Variants in SCMH1 observed in about 807,000 individuals in gnomAD.
SCMH1 encodes the protein Scm polycomb group protein homolog 1.
A neutral mutation model predicts 70.8 loss-of-function variants in SCMH1; 37 were observed. The observed-to-expected ratio is 0.52, with a 90% CI of 0.40 to 0.69. The LOEUF (loss-of-function observed/expected upper bound fraction) is 0.69. Among genes scored for constraint, SCMH1 ranks in the 30% least tolerant of loss-of-function variants. SCMH1 has a pLI of 0.00. For synonymous variants in SCMH1, 292 were observed against 307.4 expected (o/e 0.95, Z 0.52); for missense variants, 607 against 827.3 (o/e 0.73, Z 3.27).
intron 1 of SCMH1, among the ~76,000 whole-genome samples, chr1:41,197,564 C>A (rs34454389): frequency 1.3e-5 from 2 of 151,782 alleles, no homozygotes; most frequent in Admixed American, 1.3e-4. Flanking sequence ...ATATTTAATG[C>A]GTACAGAATT....
intron 1 of SCMH1, among the ~76,000 whole-genome samples, chr1:41,204,309 T>C (rs1173144598): frequency 1.3e-5 from 2 of 152,208 alleles, no homozygotes; most frequent in Non-Finnish European, 2.9e-5. Context: ...AGTATTGACC[T>C]ATTTTCTTCC....
At chr1:41,224,417 TA>T (rs1659879633) in intron 1 of SCMH1, among the ~76,000 whole-genome samples, 1 of 152,194 alleles carries the variant, frequency 6.6e-6, no homozygotes, top group African/African-American at 2.4e-5. Flanking sequence ...CCATTTTCCC[TA>T]TAGCAACTAG....
intron 6 of SCMH1, among the ~76,000 whole-genome samples, chr1:41,129,701 GGT>G: frequency 6.6e-6 from 1 of 152,242 alleles, no homozygotes; most frequent in Non-Finnish European, 1.5e-5. Flanking sequence ...GCTAAACACG[GGT>G]ATTCAAATAT....
chr1:41,228,520 C>T (rs1009231420), intron 1 of SCMH1, among the ~76,000 whole-genome samples: 4 of 152,020 alleles, frequency 2.6e-5, no homozygotes, highest in African/African-American at 7.2e-5. Context: ...CAGTGGCTCA[C>T]GCCTGTAATC....
intron 8 of SCMH1, among the ~76,000 whole-genome samples, chr1:41,079,416 T>C (rs1659318252): frequency 6.6e-6 from 1 of 151,856 alleles, no homozygotes; most frequent in Admixed American, 6.6e-5. Context: ...ACACTCAAAA[T>C]ATAAAAACAC....
At chr1:41,211,357 G>A (rs759347529) in intron 1 of SCMH1, among the ~76,000 whole-genome samples, 1 of 152,120 alleles carries the variant, frequency 6.6e-6, no homozygotes, top group Non-Finnish European at 1.5e-5. Context: ...GTGGGCAAAG[G>A]ATATGAATAC....
At chr1:41,192,865 A>G (rs988786804) in intron 1 of SCMH1, among the ~76,000 whole-genome samples, 1 of 152,144 alleles carries the variant, frequency 6.6e-6, no homozygotes, top group African/African-American at 2.4e-5. Context: ...TTCATATCCA[A>G]AGCCCACTCC....
At chr1:41,186,167 G>A (rs1410377231) in exon 2 of SCMH1, 2 of 1,273,600 alleles carry the variant, frequency 1.6e-6, no homozygotes, top group East Asian at 5.1e-5. Flanking sequence ...TAGGGGTTAA[G>A]AAGTTTGGGA....
intron 8 of SCMH1, among the ~76,000 whole-genome samples, chr1:41,085,779 G>T (rs898946574): frequency 3.3e-5 from 5 of 150,264 alleles, no homozygotes; most frequent in African/African-American, 1.2e-4. Flanking sequence ...GTTACATATT[G>T]AAATGATAAT....
chr1:41,195,456 T>TA (rs964721328), intron 1 of SCMH1, among the ~76,000 whole-genome samples: 31 of 144,608 alleles, frequency 2.1e-4, no homozygotes, highest in South Asian at 1.5e-3. Flanking sequence ...TAGAATGAAG[T>TA]AAAAAAAAAA....
intron 2 of SCMH1, among the ~76,000 whole-genome samples, chr1:41,170,209 C>G (rs1424381790): frequency 6.6e-6 from 1 of 152,116 alleles, no homozygotes; most frequent in Non-Finnish European, 1.5e-5. Flanking sequence ...CCCCTCTGCT[C>G]CCAGAGTTGG....
At chr1:41,046,561 T>C (rs1558418791) in exon 12 of SCMH1, 1 of 1,614,196 alleles carries the variant, frequency 6.2e-7, no homozygotes, top group Non-Finnish European at 8.5e-7. Context: ...TGTTGACTGC[T>C]GGGAGGTTGA....
chr1:41,187,754 A>G (rs1276967337), intron 1 of SCMH1, among the ~76,000 whole-genome samples: 1 of 151,558 alleles, frequency 6.6e-6, no homozygotes, highest in Non-Finnish European at 1.5e-5. Flanking sequence ...TGGACAACAC[A>G]GTGAGACCCC....
rs553378923 is a variant in SCMH1 at position 41,190,455 on chromosome 1, G to A, written c.-117-4205C>T. ...AGCTCTGTATCCAAAAGTGGGATAA[G>A]CTCTCTGGGAAGGAGAGGCATGAAT... On this transcript the variant is annotated intron_variant, in intron 1 of 14. Transcript: ENST00000337495. Among the ~76,000 whole-genome samples, 4 of 152,324 alleles carry A rather than the reference G, an allele frequency of 2.6e-5. No homozygotes were observed. In the South Asian group the frequency reaches 8.3e-4, roughly 32 times the overall value.
At chr1:41,115,179 A>G (rs902990677) in intron 7 of SCMH1, among the ~76,000 whole-genome samples, 6 of 152,220 alleles carry the variant, frequency 3.9e-5, no homozygotes, top group Non-Finnish European at 2.9e-5. Context: ...AAATTGACCA[A>G]CTTATTCGAT....
At chr1:41,158,096 TA>T (rs1286577073) in intron 4 of SCMH1, among the ~76,000 whole-genome samples, 1 of 152,150 alleles carries the variant, frequency 6.6e-6, no homozygotes, top group Non-Finnish European at 1.5e-5. Flanking sequence ...CTAGTGATGG[TA>T]AACAGACCCA....
chr1:41,051,627 A>C (rs1571507520), intron 10 of SCMH1, among the ~76,000 whole-genome samples: 1 of 152,186 alleles, frequency 6.6e-6, no homozygotes, highest in Non-Finnish European at 1.5e-5. Context: ...TTTAATAAAA[A>C]AGTTTAAAAA....
intron 8 of SCMH1, among the ~76,000 whole-genome samples, chr1:41,099,552 T>C (rs1289295812): frequency 3.9e-5 from 6 of 152,230 alleles, no homozygotes; most frequent in Non-Finnish European, 4.4e-5. Context: ...AAGTGTGGTA[T>C]GAAAGAAAGA....
intron 6 of SCMH1, among the ~76,000 whole-genome samples, chr1:41,133,153 A>G (rs1166798821): frequency 3.9e-5 from 6 of 152,128 alleles, no homozygotes; most frequent in African/African-American, 1.2e-4. Flanking sequence ...TTTTCACGAT[A>G]TTGATTCATC....
Sources: gnomAD v4.1 joint callset for allele counts (sites outside exome capture counted in the v4.1 genomes callset) on GRCh38, gnomAD v4.1.1 for gene constraint, MANE v1.5 for transcripts, NCBI Gene and HGNC (gene_info 2026-07-23, HGNC 2026-07-21) for gene names.